Variants in ROBO2 observed in about 807,000 individuals in gnomAD.
The protein encoded by ROBO2 is roundabout guidance receptor 2, also known as roundabout homolog 2.
In ROBO2, 53 loss-of-function variants were observed where a neutral mutation model predicts 160.8. That is an observed-to-expected ratio of 0.33 (90% confidence interval 0.26 to 0.41). ROBO2 has a LOEUF of 0.41. Ranked by LOEUF, ROBO2 falls within the 10% of genes least tolerant of loss-of-function variation. ROBO2 has a pLI of 1.00. For synonymous variants in ROBO2, 664 were observed against 611.7 expected (o/e 1.09, Z -1.26); for missense variants, 1,577 against 1,722.4 (o/e 0.92, Z 1.49).
intron 5 of ROBO2, among the ~76,000 whole-genome samples, chr3:77,508,849 C>T (rs935757983): frequency 6.6e-6 from 1 of 151,570 alleles, no homozygotes; most frequent in Admixed American, 6.6e-5. Flanking sequence ...CTTTTTTTAC[C>T]GCTGAAGATC....
chr3:76,519,554 C>G (rs1010744737), intron 2 of ROBO2, among the ~76,000 whole-genome samples: 5 of 152,070 alleles, frequency 3.3e-5, no homozygotes, highest in African/African-American at 7.2e-5. Flanking sequence ...AATAAACTAG[C>G]TTGACATCTC....
intron 2 of ROBO2, among the ~76,000 whole-genome samples, chr3:76,262,919 C>T (rs1207423405): frequency 6.6e-6 from 1 of 152,088 alleles, no homozygotes; most frequent in East Asian, 1.9e-4. Context: ...GTTGGAAATT[C>T]AAGTTTTTAT....
intron 2 of ROBO2, among the ~76,000 whole-genome samples, chr3:76,265,584 A>G (rs1307576294): frequency 2.0e-5 from 3 of 152,136 alleles, no homozygotes; most frequent in East Asian, 1.9e-4. Context: ...ATGTTTTTGT[A>G]TTGTAAACCT....
At chr3:77,602,943 T>A in intron 20 of ROBO2, 1 of 457,572 alleles carries the variant, frequency 2.2e-6, no homozygotes. Flanking sequence ...AGCCTTACTT[T>A]ACATTCCTGA....
intron 2 of ROBO2, among the ~76,000 whole-genome samples, chr3:76,868,531 A>G (rs991553676): frequency 2.0e-5 from 3 of 152,332 alleles, no homozygotes; most frequent in Non-Finnish European, 4.4e-5. Context: ...ATAATAAAAA[A>G]TTGCATGGGT....
chr3:77,325,951 G>A (rs1306197615), intron 2 of ROBO2, among the ~76,000 whole-genome samples: 1 of 152,162 alleles, frequency 6.6e-6, no homozygotes, highest in Non-Finnish European at 1.5e-5. Flanking sequence ...TTTTCCCATG[G>A]AATTGAAGAT....
chr3:77,152,649 C>T (rs1382344412), intron 2 of ROBO2, among the ~76,000 whole-genome samples: 1 of 152,186 alleles, frequency 6.6e-6, no homozygotes, highest in African/African-American at 2.4e-5. Context: ...CAACAAGATC[C>T]CGAAGTTACT....
At chr3:76,532,605 T>C (rs1180355793) in intron 2 of ROBO2, among the ~76,000 whole-genome samples, 3 of 152,184 alleles carry the variant, frequency 2.0e-5, no homozygotes, top group Admixed American at 6.5e-5. Context: ...TGACAGGTGA[T>C]TTTCCTCATC....
chr3:76,028,753 A>G (rs1357151844), intron 2 of ROBO2, among the ~76,000 whole-genome samples: 4 of 152,032 alleles, frequency 2.6e-5, no homozygotes, highest in Non-Finnish European at 5.9e-5. Context: ...TGTCAAAACC[A>G]TGAAGTCTCT....
intron 2 of ROBO2, among the ~76,000 whole-genome samples, chr3:76,478,043 A>ATTATTATTAT (rs1157931485): frequency 6.6e-6 from 1 of 150,964 alleles, no homozygotes; most frequent in African/African-American, 2.4e-5. Context: ...TATTATTATT[A>ATTATTATTAT]TACTTTAAGT....
At chr3:76,399,376 G>T (rs6781600) in intron 2 of ROBO2, among the ~76,000 whole-genome samples, 28,217 of 151,392 alleles carry the variant, frequency 0.19, 3,096 homozygotes, top group African/African-American at 0.3. Context: ...TATTGCTATT[G>T]TACACATAGG....
At chr3:77,557,420 C>G (rs1251867821) in intron 8 of ROBO2, among the ~76,000 whole-genome samples, 1 of 151,742 alleles carries the variant, frequency 6.6e-6, no homozygotes, top group Non-Finnish European at 1.5e-5. Flanking sequence ...TTAACATCAG[C>G]AGAAATATTT....
chr3:76,128,961 T>G (rs1004411325), intron 2 of ROBO2, among the ~76,000 whole-genome samples: 1 of 152,056 alleles, frequency 6.6e-6, no homozygotes, highest in Non-Finnish European at 1.5e-5. Context: ...GCTACTCGTC[T>G]TCTGGACTTT....
chr3:75,982,359 A>G (rs2065303313), intron 2 of ROBO2, among the ~76,000 whole-genome samples: 1 of 151,492 alleles, frequency 6.6e-6, no homozygotes, highest in Admixed American at 6.6e-5. Flanking sequence ...ACTGTTCTCC[A>G]TAGTGGTTGT....
intron 2 of ROBO2, among the ~76,000 whole-genome samples, chr3:77,190,975 G>A (rs1334099953): frequency 6.6e-6 from 1 of 151,940 alleles, no homozygotes; most frequent in East Asian, 1.9e-4. Context: ...TTTTAAATAG[G>A]TGCTCCTGGA....
At chr3:76,264,296 A>G (rs912724935) in intron 2 of ROBO2, among the ~76,000 whole-genome samples, 1 of 151,588 alleles carries the variant, frequency 6.6e-6, no homozygotes, top group African/African-American at 2.4e-5. Flanking sequence ...AATATTACCC[A>G]ACAGTGACTT....
At chr3:77,384,288 C>A (rs1365806654) in intron 2 of ROBO2, among the ~76,000 whole-genome samples, 1 of 152,078 alleles carries the variant, frequency 6.6e-6, no homozygotes, top group African/African-American at 2.4e-5. Flanking sequence ...TCTGATTAAG[C>A]TTAGTCCTCA....
chr3:77,076,871 T>C (rs2068065436), intron 1 of ROBO2, among the ~76,000 whole-genome samples: 1 of 152,166 alleles, frequency 6.6e-6, no homozygotes, highest in Non-Finnish European at 1.5e-5. Context: ...ATAAGCAAAC[T>C]GATACTGATT....
In ROBO2 at chr3:77,181,456, G is replaced by C. The variant is rs982399447; in HGVS notation, c.388+83116G>C. On this transcript the variant is annotated intron_variant, in intron 2 of 25. Coordinates refer to ENST00000461745, the Ensembl canonical transcript of ROBO2. ...TACGGCTCTGAATTTATTAAAATAG[G>C]ACTTGCTGTGCTGAAAGAATTTTAT... Among the ~76,000 whole-genome samples the C allele has an allele frequency of 3.9e-5, 6 of 152,020 alleles. No homozygotes were observed. The East Asian group carries it at 1.2e-3, about 29-fold the overall frequency.
Sources: allele counts gnomAD v4.1 joint callset (sites outside exome capture counted in the v4.1 genomes callset), GRCh38; gene constraint gnomAD v4.1.1; transcripts MANE v1.5; gene names NCBI Gene and HGNC (gene_info 2026-07-23, HGNC 2026-07-21).